The following KDM4C variants were observed in gnomAD, a reference collection of about 807,000 sequenced individuals.
The protein encoded by KDM4C is lysine demethylase 4C.
In KDM4C, 81 loss-of-function variants were observed where a neutral mutation model predicts 129.3. The ratio of observed to expected loss-of-function variants is 0.63; its 90% CI spans 0.52 to 0.75. The LOEUF (loss-of-function observed/expected upper bound fraction) is 0.75, where lower values mean the gene tolerates loss of function less well. Among genes scored for constraint, KDM4C ranks in the 30% least tolerant of loss-of-function variants. The pLI is 0.00. For synonymous variants in KDM4C, 573 were observed against 456.1 expected (o/e 1.26, Z -3.26); for missense variants, 1,457 against 1,304.0 (o/e 1.12, Z -1.81).
rs191184387 is a variant in KDM4C at position 6,742,075 on chromosome 9, C to T, written c.49+21078C>T. On this transcript the variant is annotated intron_variant, in intron 1 of 17. Transcript: ENST00000536108. The stretch of plus-strand genomic sequence containing the variant: ...GCAACCTCCACCTCCCGGGTTCAAG[C>T]GATTTTCCTGCCTCAGCCTCCCTAG... 3.5e-3 allele frequency among the ~76,000 whole-genome samples: 532 copies of T among 151,904 alleles called. 6 individuals carry two copies. Among genetic ancestry groups the T allele is most frequent in the African/African-American group, 0.012 (492 of 41,366 alleles).
At chr9:6,743,355 C>T (rs1048979453) in intron 1 of KDM4C, among the ~76,000 whole-genome samples, 3 of 152,076 alleles carry the variant, frequency 2.0e-5, no homozygotes, top group Non-Finnish European at 2.9e-5. Flanking sequence ...TCAGGGCACA[C>T]GGGAGGTATG....
chr9:6,757,878 C>A (rs1260380150), upstream of KDM4C: 2 of 985,572 alleles, frequency 2.0e-6, no homozygotes, highest in East Asian at 1.1e-4. Flanking sequence ...AAAGCAAGAG[C>A]GTGCCGGGCA....
At position 6,807,592 on chromosome 9, in the gene KDM4C, G is replaced by C. The variant is rs1420921000; in HGVS notation, c.320+1818G>C. On this transcript the variant is annotated intron_variant, in intron 3 of 21. Transcript: ENST00000381309. ...GGCCGAGACCCCGTCTGGGAGGTGA[G>C]GAGCGTTTCTGCCCAGCCGCCCCGT... Among the ~76,000 whole-genome samples, 4 of 150,336 alleles carry C rather than the reference G, an allele frequency of 2.7e-5. No individual in the cohort carries two copies. The East Asian group carries it at 5.9e-4, about 22-fold the overall frequency.
At chr9:7,060,505 TGG>T (rs1831492620) in intron 17 of KDM4C, among the ~76,000 whole-genome samples, 1 of 148,564 alleles carries the variant, frequency 6.7e-6, no homozygotes, top group Non-Finnish European at 1.5e-5. Context: ...TATTTTGAGA[TGG>T]AGTCTTGGTC....
chr9:6,825,825 T>G (rs562107738), intron 4 of KDM4C, among the ~76,000 whole-genome samples: 57 of 152,318 alleles, frequency 3.7e-4, no homozygotes, highest in African/African-American at 1.3e-3. Flanking sequence ...TCTCTGTCTC[T>G]CTTAAGACAA....
chr9:7,051,245 G>A (rs10815509), intron 17 of KDM4C, among the ~76,000 whole-genome samples: 9 of 152,034 alleles, frequency 5.9e-5, no homozygotes, highest in East Asian at 5.8e-4. Context: ...TTGGGGGGAA[G>A]AATGTCTAAG....
chr9:7,098,966 C>T (rs376072316), intron 17 of KDM4C, among the ~76,000 whole-genome samples: 206 of 131,128 alleles, frequency 1.6e-3, no homozygotes, highest in African/African-American at 5.3e-3. Flanking sequence ...AGGTTTTAGC[C>T]TCGATCCTCT....
chr9:6,896,801 CA>C (rs967121363), intron 8 of KDM4C, among the ~76,000 whole-genome samples: 1 of 152,070 alleles, frequency 6.6e-6, no homozygotes, highest in African/African-American at 2.4e-5. Context: ...TCTATGAGAA[CA>C]GGGGTGAGAG....
At chr9:7,016,371 C>A (rs907092498) in intron 15 of KDM4C, among the ~76,000 whole-genome samples, 5 of 150,860 alleles carry the variant, frequency 3.3e-5, no homozygotes, top group Non-Finnish European at 5.9e-5. Flanking sequence ...TTGTGATCTG[C>A]TCGCCTCGGC....
chr9:6,742,752 C>T (rs938973576), intron 1 of KDM4C, among the ~76,000 whole-genome samples: 1 of 151,594 alleles, frequency 6.6e-6, no homozygotes, highest in African/African-American at 2.4e-5. Flanking sequence ...CTAAGAATCG[C>T]TTGAACCCCG....
At chr9:6,936,495 C>G (rs1824817688) in intron 8 of KDM4C, among the ~76,000 whole-genome samples, 1 of 152,124 alleles carries the variant, frequency 6.6e-6, no homozygotes, top group African/African-American at 2.4e-5. Flanking sequence ...AAGTCTTAGT[C>G]ACTTTTGATG....
intron 17 of KDM4C, among the ~76,000 whole-genome samples, chr9:7,080,172 G>C (rs551233106): frequency 1.3e-5 from 2 of 152,140 alleles, no homozygotes; most frequent in African/African-American, 4.8e-5. Context: ...TCCCTTACTG[G>C]TAGGAGCACA....
At chr9:7,094,276 A>G (rs1285379686) in intron 17 of KDM4C, among the ~76,000 whole-genome samples, 1 of 152,252 alleles carries the variant, frequency 6.6e-6, no homozygotes, top group African/African-American at 2.4e-5. Context: ...AGGCTTTAAC[A>G]GTGCCTGTTT....
At chr9:7,140,902 G>A (rs1841678204) in intron 19 of KDM4C, among the ~76,000 whole-genome samples, 1 of 152,244 alleles carries the variant, frequency 6.6e-6, no homozygotes, top group Admixed American at 6.5e-5. Context: ...ATCTTATCTA[G>A]ATGGGTGATC....
At chr9:7,027,128 G>C (rs1825943624) in intron 15 of KDM4C, among the ~76,000 whole-genome samples, 1 of 151,950 alleles carries the variant, frequency 6.6e-6, no homozygotes, top group South Asian at 2.1e-4. Context: ...ATGTTTTCCT[G>C]GATTGTCTTG....
intron 8 of KDM4C, among the ~76,000 whole-genome samples, chr9:6,972,375 C>A (rs1018846865): frequency 6.6e-6 from 1 of 152,020 alleles, no homozygotes; most frequent in Non-Finnish European, 1.5e-5. Flanking sequence ...ATTATATTTT[C>A]TCCCATAAAA....
intron 6 of KDM4C, among the ~76,000 whole-genome samples, chr9:6,881,370 T>C (rs955219845): frequency 6.6e-6 from 1 of 152,224 alleles, no homozygotes; most frequent in Non-Finnish European, 1.5e-5. Context: ...TCTTGAACTT[T>C]GTTAGGGACT....
At chr9:6,886,803 G>T (rs1342412640) in intron 6 of KDM4C, among the ~76,000 whole-genome samples, 1 of 151,960 alleles carries the variant, frequency 6.6e-6, no homozygotes, top group Non-Finnish European at 1.5e-5. Flanking sequence ...GTATTTTTTA[G>T]TAGAACCCGG....
chr9:6,797,078 A>G, intron 2 of KDM4C, among the ~76,000 whole-genome samples: 1 of 151,628 alleles, frequency 6.6e-6, no homozygotes, highest in Non-Finnish European at 1.5e-5. Flanking sequence ...TCCCAGGCTC[A>G]AGCAAGTAGC....
Sources: allele counts gnomAD v4.1 joint callset (sites outside exome capture counted in the v4.1 genomes callset), GRCh38; gene constraint gnomAD v4.1.1; transcripts MANE v1.5; gene names NCBI Gene and HGNC (gene_info 2026-07-23, HGNC 2026-07-21).